MROH9: variants seen among roughly 807,000 people sequenced by gnomAD.
The protein encoded by MROH9 is maestro heat-like repeat-containing protein family member 9.
Under a neutral mutation model 98.2 loss-of-function variants are expected in MROH9, and 92 were observed. The ratio of observed to expected loss-of-function variants is 0.94; its 90% CI spans 0.79 to 1.11. The LOEUF (loss-of-function observed/expected upper bound fraction) is 1.11, where lower values mean the gene tolerates loss of function less well. Among genes scored for constraint, MROH9 ranks in the 50% most tolerant of loss-of-function variants. The pLI is 0.00. For synonymous variants in MROH9, 397 were observed against 368.9 expected (o/e 1.08, Z -0.87); for missense variants, 1,057 against 1,014.8 (o/e 1.04, Z -0.57).
intron 20 of MROH9, among the ~76,000 whole-genome samples, chr1:171,042,677 A>G (rs1271534612): frequency 6.6e-6 from 1 of 152,024 alleles, no homozygotes; most frequent in African/African-American, 2.4e-5. Context: ...GATATAAGCC[A>G]TCTTATCCGG....
intron 13 of MROH9, among the ~76,000 whole-genome samples, chr1:170,996,196 T>C (rs185679769): frequency 3.7e-4 from 56 of 152,166 alleles, no homozygotes; most frequent in Non-Finnish European, 7.6e-4. Flanking sequence ...AAAATGGACA[T>C]CTTTAGCAAG....
chr1:171,029,473 G>A (rs148391889), intron 20 of MROH9, among the ~76,000 whole-genome samples: 2 of 152,102 alleles, frequency 1.3e-5, no homozygotes, highest in African/African-American at 4.8e-5. Context: ...CTCCTAAAGT[G>A]CTGGGATTGT....
intron 10 of MROH9, 121 bp from the exon 11 acceptor site, chr1:170,989,734 A>G (rs1651278490): frequency 1.3e-6 from 1 of 789,960 alleles, no homozygotes; most frequent in Non-Finnish European, 2.0e-6. Context: ...GCTTATCTGT[A>G]TGTTAGTTGC....
Position 171,064,055 on chromosome 1 carries a change from T to C in MROH9, c.2345-44T>C, listed in dbSNP as rs1030585186. ...TTTAGTATTAAAGCTTCATGGCCTC[T>C]AAGAAAGAGATAACTTGAACTAAAG... On this transcript the variant is annotated intron_variant, in intron 21 of 21. Transcript: ENST00000367759. The C allele has an allele frequency of 4.7e-5, 71 of 1,503,906 alleles. No homozygotes were observed. The Admixed American group carries it at 1.8e-3, about 38-fold the overall frequency. The allele number at this position is 1,503,906 out of a possible 1,614,324, so 93.2% of individuals were successfully genotyped here. A position where few individuals can be genotyped will look rare whatever the true frequency, so the allele number is the denominator to read the frequency against.
chr1:170,992,321 C>T lies in MROH9; in HGVS notation c.1186C>T (p.Pro396Ser). 3 of 1,612,214 alleles carry T rather than the reference C, an allele frequency of 1.9e-6. No homozygotes were observed. The highest frequency in any genetic ancestry group is 2.2e-5 in the South Asian group (2 of 90,810). ...CTCTCTTGATATTACCAACTTGATG[C>T]CTTTGGCGGTAAATAACACGATGAG... The part of the protein sequence containing the change: ...RFSLDITNLM[P>S]LAACQALCTF... The change falls in exon 12 of 22, where the codon CCT becomes TCT. Residue 396 changes from proline (P) to serine (S), a missense_variant. Transcript: ENST00000367759.
chr1:170,947,504 C>A, intron 2 of MROH9, 23 bp from the exon 3 acceptor site: 1 of 1,604,600 alleles, frequency 6.2e-7, no homozygotes, highest in Non-Finnish European at 8.5e-7. Flanking sequence ...TCCTTTTTAA[C>A]GAATCTCCTT....
intron 8 of MROH9, among the ~76,000 whole-genome samples, chr1:170,977,518 G>C (rs370649788): frequency 2.0e-5 from 3 of 152,262 alleles, no homozygotes; most frequent in African/African-American, 7.2e-5. Context: ...TGAAGCTTTA[G>C]GGTGTGATCT....
At chr1:171,049,442 T>C (rs1174284234) in intron 20 of MROH9, among the ~76,000 whole-genome samples, 1 of 152,072 alleles carries the variant, frequency 6.6e-6, no homozygotes, top group Non-Finnish European at 1.5e-5. Flanking sequence ...GCTGTCCTGT[T>C]AGAGCGGGGA....
intron 21 of MROH9, 117 bp from the exon 22 acceptor site, chr1:171,063,982 G>A (rs906674424): frequency 5.9e-6 from 6 of 1,020,022 alleles, no homozygotes; most frequent in Admixed American, 6.1e-5. Flanking sequence ...AGGGAATGCA[G>A]AGGAGAGATG....
chr1:171,015,260 TG>T, intron 16 of MROH9: 1 of 325,824 alleles, frequency 3.1e-6, no homozygotes, highest in South Asian at 2.6e-5. Context: ...GATTTACCAG[TG>T]GTGTACATTA....
Position 170,989,941 on chromosome 1 carries a change from G to A in MROH9, c.966G>A (p.Leu322=), listed in dbSNP as rs1651287975. The part of the protein sequence containing the change: ...KDVMLQVITL[L]TCTSPKKVIF... ...TTATGTTGCAGGTTATCACTTTGTT[G>A]ACATGCACTTCACCCAAGAAGGTCA... Residue 322 remains leucine, a synonymous_variant, in exon 11 of 22, where the codon TTG becomes TTA. Coordinates refer to ENST00000367759, the MANE Select transcript of MROH9 (RefSeq NM_001163629.2). 4 of 1,613,274 alleles carry A rather than the reference G, an allele frequency of 2.5e-6. No homozygotes were observed. Among genetic ancestry groups the A allele is most frequent in the Non-Finnish European group, 3.4e-6 (4 of 1,179,544 alleles).
At chr1:171,048,799 A>G (rs1249248851) in intron 20 of MROH9, among the ~76,000 whole-genome samples, 2 of 152,208 alleles carry the variant, frequency 1.3e-5, no homozygotes, top group African/African-American at 4.8e-5. Flanking sequence ...CCCAAGGCCC[A>G]CAATGTAGTA....
intron 20 of MROH9, among the ~76,000 whole-genome samples, chr1:171,058,113 C>T (rs960530856): frequency 7.9e-5 from 12 of 152,112 alleles, no homozygotes; most frequent in African/African-American, 2.9e-4. Flanking sequence ...CCCAAAAACT[C>T]CTTAAGCTGA....
chr1:171,050,563 T>C (rs1376509853), intron 20 of MROH9, among the ~76,000 whole-genome samples: 1 of 152,048 alleles, frequency 6.6e-6, no homozygotes, highest in African/African-American at 2.4e-5. Context: ...TTAGGAGTCT[T>C]CTGGAGGAGT....
chr1:171,016,130 C>T, intron 16 of MROH9, 33 bp from the exon 17 acceptor site: 2 of 1,385,918 alleles, frequency 1.4e-6, no homozygotes, highest in Non-Finnish European at 1.9e-6. Context: ...CTGCTAGTTC[C>T]TAAATCCCAC....
At chr1:170,996,461 G>T (rs1355978765) in intron 13 of MROH9, 46 bp from the exon 14 acceptor site, 5 of 1,599,330 alleles carry the variant, frequency 3.1e-6, no homozygotes, top group East Asian at 2.2e-5. Context: ...TTAGTTTTTT[G>T]AATATCACCG....
intron 8 of MROH9, among the ~76,000 whole-genome samples, chr1:170,973,483 T>A (rs1048430541): frequency 6.6e-6 from 1 of 151,952 alleles, no homozygotes; most frequent in African/African-American, 2.4e-5. Flanking sequence ...AATATTTTAA[T>A]TACCTACCAA....
chr1:171,030,583 A>G (rs563957729), intron 20 of MROH9, among the ~76,000 whole-genome samples: 2 of 152,202 alleles, frequency 1.3e-5, no homozygotes, highest in East Asian at 3.9e-4. Context: ...AATTTCCATG[A>G]AATTGTGTGT....
chr1:171,048,079 A>T (rs978964153), intron 20 of MROH9, among the ~76,000 whole-genome samples: 7 of 152,166 alleles, frequency 4.6e-5, no homozygotes, highest in African/African-American at 1.4e-4. Context: ...TGTGGCCACC[A>T]CCACTCTGAC....
Sources: allele counts gnomAD v4.1 joint callset (sites outside exome capture counted in the v4.1 genomes callset), GRCh38; gene constraint gnomAD v4.1.1; transcripts MANE v1.5; gene names NCBI Gene and HGNC (gene_info 2026-07-23, HGNC 2026-07-21).